The following SLC24A2 variants were observed in gnomAD, a reference collection of about 807,000 sequenced individuals.
SLC24A2 encodes the protein solute carrier family 24 member 2.
Under a neutral mutation model 62.0 loss-of-function variants are expected in SLC24A2, and 36 were observed. That is an observed-to-expected ratio of 0.58 (90% CI 0.44 to 0.77). The LOEUF (loss-of-function observed/expected upper bound fraction) is 0.77. SLC24A2 is among the 30% of genes least tolerant of loss of function. The probability of loss-of-function intolerance (pLI) is 0.00; values close to 1 mark genes in which losing one functional copy is unlikely to be tolerated. For synonymous variants in SLC24A2, 358 were observed against 294.0 expected (o/e 1.22, Z -2.23); for missense variants, 846 against 817.9 (o/e 1.03, Z -0.42).
the SLC24A2 span, among the ~76,000 whole-genome samples, chr9:20,242,833 T>C: frequency 6.6e-6 from 1 of 152,210 alleles, no homozygotes; most frequent in Admixed American, 6.5e-5. Context: ...TTAATTAATC[T>C]TTCACTGGTG....
the SLC24A2 span, among the ~76,000 whole-genome samples, chr9:20,283,586 A>C: frequency 1.3e-3 from 203 of 152,308 alleles, no homozygotes; most frequent in Non-Finnish European, 2.4e-3. Context: ...CTTCAGAAGA[A>C]ATAATTCAAC....
intron 2 of SLC24A2, among the ~76,000 whole-genome samples, chr9:19,726,336 C>T (rs993479359): frequency 6.6e-6 from 1 of 152,160 alleles, no homozygotes; most frequent in Non-Finnish European, 1.5e-5. Context: ...AAGACAAAAT[C>T]AGGTTCTATA....
At chr9:20,168,953 T>A in the SLC24A2 span, among the ~76,000 whole-genome samples, 2 of 151,998 alleles carry the variant, frequency 1.3e-5, no homozygotes, top group African/African-American at 4.8e-5. Context: ...AACAACCCAA[T>A]GTCCATCAAT....
intron 2 of SLC24A2, among the ~76,000 whole-genome samples, chr9:19,669,050 A>C (rs1819338595): frequency 6.6e-6 from 1 of 152,216 alleles, no homozygotes; most frequent in Non-Finnish European, 1.5e-5. Context: ...ATAAGATCTG[A>C]TCAGGTATTT....
the SLC24A2 span, among the ~76,000 whole-genome samples, chr9:19,993,738 C>G: frequency 6.6e-6 from 1 of 152,134 alleles, no homozygotes; most frequent in East Asian, 1.9e-4. Context: ...TGGTCCTGTT[C>G]TATTCCCTAA....
intron 2 of SLC24A2, among the ~76,000 whole-genome samples, chr9:19,706,499 C>T (rs1820524772): frequency 6.6e-6 from 1 of 151,806 alleles, no homozygotes; most frequent in South Asian, 2.1e-4. Flanking sequence ...CCTGCCTCAG[C>T]CTCCCGTGTA....
At chr9:20,061,051 G>A in the SLC24A2 span, among the ~76,000 whole-genome samples, 131 of 152,086 alleles carry the variant, frequency 8.6e-4, no homozygotes, top group African/African-American at 3.1e-3. Flanking sequence ...ATCCATAAAT[G>A]GAAAGACATT....
chr9:19,610,332 A>C (rs1228175308), intron 4 of SLC24A2, among the ~76,000 whole-genome samples: 2 of 152,190 alleles, frequency 1.3e-5, no homozygotes, highest in Non-Finnish European at 1.5e-5. Flanking sequence ...GGTGGATGTT[A>C]TTTTACAGGT....
the SLC24A2 span, among the ~76,000 whole-genome samples, chr9:20,236,618 G>C: frequency 6.6e-6 from 1 of 152,158 alleles, no homozygotes; most frequent in South Asian, 2.1e-4. Flanking sequence ...TCAAGTCCAA[G>C]CTTTACGACC....
the SLC24A2 span, among the ~76,000 whole-genome samples, chr9:20,171,477 G>A: frequency 2.0e-5 from 3 of 151,826 alleles, no homozygotes; most frequent in Non-Finnish European, 4.4e-5. Context: ...GAGACTCACC[G>A]AACACATAAG....
chr9:19,544,937 G>C lies in SLC24A2; in HGVS notation c.1479+5200C>G, dbSNP rs534584024. ...GCTCTTCTCAAGGAGTATCTTTGTG[G>C]TGTTCTCTGTATTTCCTGAATTTGA... On this transcript the variant is annotated intron_variant, in intron 8 of 10. Transcript: ENST00000341998. Among the ~76,000 whole-genome samples the C allele has an allele frequency of 3.3e-5, 5 of 152,216 alleles. No homozygotes were observed. In the East Asian group the frequency reaches 9.7e-4, roughly 29 times the overall value.
chr9:20,302,082 C>T, the SLC24A2 span, among the ~76,000 whole-genome samples: 12 of 152,136 alleles, frequency 7.9e-5, no homozygotes, highest in South Asian at 2.1e-4. Context: ...TTACTTTTAA[C>T]GCTGAATAAT....
intron 7 of SLC24A2, among the ~76,000 whole-genome samples, chr9:19,560,897 GTATATA>G (rs1194433228): frequency 2.7e-4 from 35 of 128,568 alleles, no homozygotes; most frequent in East Asian, 9.2e-4. Context: ...GTGTGTGTGT[GTATATA>G]TATATATATA....
chr9:19,608,826 G>A (rs1006867080), intron 4 of SLC24A2, among the ~76,000 whole-genome samples: 1 of 150,552 alleles, frequency 6.6e-6, no homozygotes, highest in African/African-American at 2.5e-5. Context: ...ATAGACACTC[G>A]CACATACCTA....
At chr9:20,184,288 G>A in the SLC24A2 span, among the ~76,000 whole-genome samples, 11 of 152,294 alleles carry the variant, frequency 7.2e-5, no homozygotes, top group East Asian at 1.9e-4. Context: ...AGAGGCTCAC[G>A]CCTGTTAATC....
At chr9:20,189,442 A>G in the SLC24A2 span, among the ~76,000 whole-genome samples, 1 of 152,176 alleles carries the variant, frequency 6.6e-6, no homozygotes, top group African/African-American at 2.4e-5. Flanking sequence ...TCTATTAATA[A>G]ATCAATACCT....
At chr9:20,099,406 A>C in the SLC24A2 span, among the ~76,000 whole-genome samples, 1 of 152,178 alleles carries the variant, frequency 6.6e-6, no homozygotes, top group Non-Finnish European at 1.5e-5. Context: ...CTGAACTGAA[A>C]TCTGCTCACA....
At chr9:19,729,134 A>T (rs2118696607) in intron 2 of SLC24A2, among the ~76,000 whole-genome samples, 1 of 152,340 alleles carries the variant, frequency 6.6e-6, no homozygotes, top group Middle Eastern at 3.4e-3. Flanking sequence ...ATATATGAAA[A>T]AATGCTCCAC....
At chr9:19,563,997 G>T (rs1835546440) in intron 7 of SLC24A2, among the ~76,000 whole-genome samples, 2 of 151,750 alleles carry the variant, frequency 1.3e-5, no homozygotes, top group Non-Finnish European at 2.9e-5. Flanking sequence ...AGAACCACAG[G>T]TGCACACCAC....
Sources: gnomAD v4.1 joint callset for allele counts (sites outside exome capture counted in the v4.1 genomes callset) on GRCh38, gnomAD v4.1.1 for gene constraint, MANE v1.5 for transcripts, NCBI Gene and HGNC (gene_info 2026-07-23, HGNC 2026-07-21) for gene names.